BACH1: variants seen among roughly 807,000 people sequenced by gnomAD.
BACH1 encodes BTB domain and CNC homolog 1, also known as transcription regulator protein BACH1.
Under a neutral mutation model 52.9 loss-of-function variants are expected in BACH1, and 35 were observed. The observed-to-expected ratio is 0.66, with a 90% CI of 0.51 to 0.88. The LOEUF (loss-of-function observed/expected upper bound fraction) is 0.88, where lower values mean the gene tolerates loss of function less well. Among genes scored for constraint, BACH1 ranks in the 40% least tolerant of loss-of-function variants. BACH1 has a pLI of 0.00. For synonymous variants in BACH1, 321 were observed against 319.6 expected (o/e 1.00, Z -0.05); for missense variants, 808 against 872.6 (o/e 0.93, Z 0.93).
At chr21:29,329,056 C>CCA (rs2088950702) in intron 3 of BACH1, among the ~76,000 whole-genome samples, 1 of 152,146 alleles carries the variant, frequency 6.6e-6, no homozygotes. Flanking sequence ...GCCTGTAATC[C>CCA]CAACACCTTG....
intron 1 of BACH1, among the ~76,000 whole-genome samples, chr21:29,308,598 C>T (rs1014013560): frequency 1.3e-5 from 2 of 152,096 alleles, no homozygotes; most frequent in South Asian, 4.1e-4. Context: ...TTTATCTTTT[C>T]GGTTACTATG....
intron 2 of BACH1, among the ~76,000 whole-genome samples, chr21:29,358,509 A>G (rs1277213721): frequency 6.6e-6 from 1 of 152,196 alleles, no homozygotes; most frequent in Non-Finnish European, 1.5e-5. Flanking sequence ...TGGGAGGCCG[A>G]GGCAAGTGGA....
chr21:29,300,162 A>C (rs2088587491), intron 1 of BACH1: 1 of 152,182 alleles, frequency 6.6e-6, no homozygotes, highest in African/African-American at 2.4e-5. Flanking sequence ...AAGCTTAGGG[A>C]AGAAAGGCTC....
chr21:29,359,205 CT>C (rs1366458997), intron 2 of BACH1: 2 of 151,960 alleles, frequency 1.3e-5, no homozygotes, highest in African/African-American at 2.4e-5. Flanking sequence ...TCTACTCAAA[CT>C]AAGATTTGAC....
At chr21:29,329,911 T>G (rs1035460884) in intron 4 of BACH1, among the ~76,000 whole-genome samples, 1 of 151,550 alleles carries the variant, frequency 6.6e-6, no homozygotes, top group Admixed American at 6.6e-5. Flanking sequence ...GTCTACCTAA[T>G]CATTAGTGGT....
intron 1 of BACH1, among the ~76,000 whole-genome samples, chr21:29,310,592 C>T (rs1433254478): frequency 6.6e-6 from 1 of 152,188 alleles, no homozygotes; most frequent in African/African-American, 2.4e-5. Flanking sequence ...GATCGTGTCT[C>T]CATTGTGGGT....
Position 29,343,872 on chromosome 21 carries a change from T to G in BACH1, c.*1039T>G, listed in dbSNP as rs546991910. 6.6e-6 allele frequency: 1 copy of G among 152,348 alleles called. No homozygotes were observed. The highest frequency in any genetic ancestry group is 2.4e-5 in the African/African-American group (1 of 41,588). The allele number at this position is 152,348 out of a possible 1,614,324, so 9.4% of individuals were successfully genotyped here. On this transcript the variant is annotated 3_prime_UTR_variant, in exon 5 of 5. Coordinates refer to ENST00000286800, the MANE Select transcript of BACH1 (RefSeq NM_001186.4). ...AAATGATTGTAACAGATAAAAAATGTATCTGCAGCAACTCTGCAGGTTTGT... is the reference window on the plus strand; with the variant it reads ...AAATGATTGTAACAGATAAAAAATGGATCTGCAGCAACTCTGCAGGTTTGT...
intron 1 of BACH1, among the ~76,000 whole-genome samples, chr21:29,309,556 A>G (rs2088697102): frequency 6.6e-6 from 1 of 152,204 alleles, no homozygotes; most frequent in Non-Finnish European, 1.5e-5. Context: ...CCTTATCTGT[A>G]ACAGAAGCGG....
chr21:29,353,383 ATC>A (rs148218844), intron 2 of BACH1, among the ~76,000 whole-genome samples: 6,980 of 152,286 alleles, frequency 0.046, 237 homozygotes, highest in Non-Finnish European at 0.067. Flanking sequence ...ATAAGCTTTC[ATC>A]GTCTTGTATA....
At position 29,342,851 on chromosome 21, in the gene BACH1, T is replaced by A; in HGVS notation, c.*18T>A. The A allele has an allele frequency of 1.3e-6, 2 of 1,551,486 alleles. No individual in the cohort carries two copies. The highest frequency in any genetic ancestry group is 1.7e-6 in the Non-Finnish European group (2 of 1,146,808). On this transcript the variant is annotated 3_prime_UTR_variant, in exon 5 of 5. Transcript: ENST00000286800. Reference sequence around the variant, plus strand: ...ATGAGTAAACTTGCATTCACTTCCTTCAAACCATCTAATTTTCTCCTGAAG... The same window carrying A: ...ATGAGTAAACTTGCATTCACTTCCTACAAACCATCTAATTTTCTCCTGAAG...
intron 2 of BACH1, chr21:29,361,169 T>A (rs1204870078): frequency 6.6e-6 from 1 of 152,190 alleles, no homozygotes; most frequent in Admixed American, 6.5e-5. Flanking sequence ...GGAAAAAGAC[T>A]GAAGAGTGGA....
At chr21:29,349,127 T>G (rs953847415), downstream of BACH1, among the ~76,000 whole-genome samples, 8 of 152,050 alleles carry the variant, frequency 5.3e-5, no homozygotes, top group African/African-American at 1.9e-4. Flanking sequence ...TTACATAGAT[T>G]TAAGCAGTCC....
rs2089132529 is a variant in BACH1, at chr21:29,342,924, A to G, written c.*91A>G. 3.1e-6 allele frequency: 4 copies of G among 1,287,940 alleles called. No individual in the cohort carries two copies. In the African/African-American group the frequency reaches 5.9e-5, roughly 19 times the overall value. 79.8% of individuals were successfully genotyped at this position (1,287,940 alleles called of 1,614,324 possible). A position where few individuals can be genotyped will look rare whatever the true frequency, so the allele number is the denominator to read the frequency against. On this transcript the variant is annotated 3_prime_UTR_variant, in exon 5 of 5. Coordinates refer to ENST00000286800, the MANE Select transcript of BACH1 (RefSeq NM_001186.4). ...TAATATGACCATCTGTTGCTCAACA[A>G]TACTGTTTTTTTCCTTTAGTAGTTT...
chr21:29,338,944 T>C (rs1206827860), intron 4 of BACH1, among the ~76,000 whole-genome samples: 1 of 152,196 alleles, frequency 6.6e-6, no homozygotes, highest in African/African-American at 2.4e-5. Context: ...CTTTTTAAAC[T>C]TAAGAATTGA....
downstream of BACH1, among the ~76,000 whole-genome samples, chr21:29,347,699 G>C (rs1419855792): frequency 2.0e-5 from 3 of 152,204 alleles, no homozygotes; most frequent in African/African-American, 7.2e-5. Context: ...TGGGCTGTCA[G>C]TGAACATTTG....
intron 1 of BACH1, among the ~76,000 whole-genome samples, chr21:29,301,952 G>A (rs2088608422): frequency 6.6e-6 from 1 of 152,116 alleles, no homozygotes; most frequent in Admixed American, 6.5e-5. Context: ...AATCTCATGT[G>A]CCATGTGCCT....
At position 29,306,169 on chromosome 21, in the gene BACH1, A is replaced by AGTGTGTGTGTGTGT. The variant is rs61571512; in HGVS notation, c.-61+7245_-61+7258dup. ...AGTAGGGAGAAGTTGGGTCAGGAAG[A>AGTGTGTGTGTGTGT]GTGTGTGTGTGTGTGTGTGTGTGTG... On this transcript the variant is annotated intron_variant, in intron 1 of 4. Coordinates refer to ENST00000286800, the MANE Select transcript of BACH1 (RefSeq NM_001186.4). Among the ~76,000 whole-genome samples, 59 of 141,286 alleles carry AGTGTGTGTGTGTGT rather than the reference A, an allele frequency of 4.2e-4. No homozygotes were observed. The East Asian group carries it at 8.5e-3, about 20-fold the overall frequency. The allele number at this position is 141,286 out of a possible 152,430, so 92.7% of individuals were successfully genotyped here.
intron 2 of BACH1, among the ~76,000 whole-genome samples, chr21:29,355,828 A>G (rs991025832): frequency 1.3e-5 from 2 of 152,194 alleles, no homozygotes; most frequent in Non-Finnish European, 2.9e-5. Flanking sequence ...AGGTTGGTAT[A>G]AGAGTTTTGA....
intron 2 of BACH1, among the ~76,000 whole-genome samples, chr21:29,356,977 G>A (rs2089238514): frequency 6.6e-6 from 1 of 152,094 alleles, no homozygotes; most frequent in Admixed American, 6.5e-5. Flanking sequence ...CTTTGGCAGT[G>A]TAAGACTGCC....
Sources: allele counts gnomAD v4.1 joint callset (sites outside exome capture counted in the v4.1 genomes callset), GRCh38; gene constraint gnomAD v4.1.1; transcripts MANE v1.5; gene names NCBI Gene and HGNC (gene_info 2026-07-23, HGNC 2026-07-21).